The following DPP10 variants were observed in gnomAD, a reference collection of about 807,000 sequenced individuals.
The protein encoded by DPP10 is dipeptidyl peptidase like 10.
Under a neutral mutation model 120.9 loss-of-function variants are expected in DPP10, and 33 were observed. The ratio of observed to expected loss-of-function variants is 0.27; its 90% CI spans 0.21 to 0.37. DPP10 has a LOEUF of 0.37. Among genes scored for constraint, DPP10 ranks in the 10% least tolerant of loss-of-function variants. The pLI, the probability that DPP10 is intolerant of heterozygous loss-of-function variation, is 1.00. For missense variants in DPP10, 816 were observed against 942.8 expected (o/e 0.87, Z 1.76); for synonymous variants, 337 against 326.1 (o/e 1.03, Z -0.36).
chr2:114,507,287 C>T (rs1427804685), intron 1 of DPP10, among the ~76,000 whole-genome samples: 1 of 152,066 alleles, frequency 6.6e-6, no homozygotes, highest in Non-Finnish European at 1.5e-5. Context: ...GGGCTCAAGC[C>T]ATCCACATGC....
intron 1 of DPP10, among the ~76,000 whole-genome samples, chr2:115,120,820 G>A (rs2049783195): frequency 6.6e-6 from 1 of 152,144 alleles, no homozygotes; most frequent in South Asian, 2.1e-4. Context: ...AATGTACCAT[G>A]CAAGATCACT....
chr2:114,834,883 A>ACTATGTATATATAAGCCATATCTACACAC (rs1558791790), intron 1 of DPP10, among the ~76,000 whole-genome samples: 10 of 103,934 alleles, frequency 9.6e-5, no homozygotes, highest in African/African-American at 5.2e-4. Context: ...TATCTACACA[A>ACTATGTATATATAAGCCATATCTACACAC]CTATGTATAT....
intron 1 of DPP10, among the ~76,000 whole-genome samples, chr2:115,267,709 T>C (rs758245962): frequency 6.6e-6 from 1 of 152,106 alleles, no homozygotes; most frequent in Non-Finnish European, 1.5e-5. Context: ...ATGCTTATTC[T>C]TCTCCTATAG....
intron 1 of DPP10, among the ~76,000 whole-genome samples, chr2:114,906,336 A>G (rs1198151260): frequency 6.6e-6 from 1 of 151,654 alleles, no homozygotes; most frequent in African/African-American, 2.4e-5. Context: ...GTTAGCGGAG[A>G]TCGCACCACT....
At chr2:115,682,460 A>G (rs1417982340) in intron 5 of DPP10, among the ~76,000 whole-genome samples, 1 of 151,956 alleles carries the variant, frequency 6.6e-6, no homozygotes, top group Non-Finnish European at 1.5e-5. Flanking sequence ...ATTTTGCACT[A>G]TAGAAAACGT....
At chr2:114,852,878 C>T (rs993181763) in intron 1 of DPP10, among the ~76,000 whole-genome samples, 2 of 152,204 alleles carry the variant, frequency 1.3e-5, no homozygotes, top group Non-Finnish European at 2.9e-5. Flanking sequence ...TTTGCTTTTC[C>T]TCCCAAATAC....
chr2:115,812,963 C>CATT, intron 19 of DPP10, among the ~76,000 whole-genome samples: 1 of 72,782 alleles, frequency 1.4e-5, no homozygotes, highest in Non-Finnish European at 2.4e-5. Context: ...GACTGGATAT[C>CATT]TTTTTTTTTT....
At chr2:115,342,416 G>A (rs2063495258) in intron 2 of DPP10, among the ~76,000 whole-genome samples, 1 of 152,102 alleles carries the variant, frequency 6.6e-6, no homozygotes, top group African/African-American at 2.4e-5. Context: ...GTTTCACCAT[G>A]TTGGCTAGGC....
At chr2:115,349,527 G>A (rs1485905841) in intron 3 of DPP10, among the ~76,000 whole-genome samples, 1 of 152,006 alleles carries the variant, frequency 6.6e-6, no homozygotes, top group African/African-American at 2.4e-5. Flanking sequence ...AAATGGTAGC[G>A]ATTCATAGAA....
At chr2:115,410,660 G>A (rs1029418183) in intron 3 of DPP10, among the ~76,000 whole-genome samples, 1 of 152,114 alleles carries the variant, frequency 6.6e-6, no homozygotes, top group East Asian at 1.9e-4. Context: ...AATGGACTGA[G>A]GACTGGAGAA....
chr2:114,497,425 A>ATATAGATGCATATATATAGATGCATC (rs1553451238), intron 1 of DPP10, among the ~76,000 whole-genome samples: 1 of 66,350 alleles, frequency 1.5e-5, no homozygotes, highest in African/African-American at 5.4e-5. Context: ...ATATGCATCT[A>ATATAGATGCATATATATAGATGCATC]TATATATATG....
In DPP10 at chr2:114,956,300, A is replaced by C. The variant is rs181908640; in HGVS notation, c.61-352939A>C. Among the ~76,000 whole-genome samples, 329 of 152,210 alleles carry C rather than the reference A, an allele frequency of 2.2e-3. 2 individuals carry two copies. The highest frequency in any genetic ancestry group is 7.7e-3 in the African/African-American group (321 of 41,552). ...GTAACATTCCTTTATACTAACAACAAACTACCTGAAAACCAAATTAAGAAA... is the reference window on the plus strand; with the variant it reads ...GTAACATTCCTTTATACTAACAACACACTACCTGAAAACCAAATTAAGAAA... On this transcript the variant is annotated intron_variant, in intron 1 of 25. Transcript: ENST00000410059.
intron 1 of DPP10, among the ~76,000 whole-genome samples, chr2:114,708,654 A>T (rs1214157546): frequency 6.6e-6 from 1 of 152,202 alleles, no homozygotes; most frequent in Non-Finnish European, 1.5e-5. Flanking sequence ...GAGGAAAGAA[A>T]AGCAAGAAAA....
Position 114,789,011 on chromosome 2 carries a change from A to G in DPP10, c.60+346173A>G, listed in dbSNP as rs117328621. On this transcript the variant is annotated intron_variant, in intron 1 of 25. Transcript: ENST00000410059. ...CCAAGGGTTAAAAAGGTTCACCATT[A>G]TATCTTTGGAAAATTAGCTTGCAGT... Among the ~76,000 whole-genome samples, 52 of 152,252 alleles carry G rather than the reference A, an allele frequency of 3.4e-4. No homozygotes were observed. In the East Asian group the frequency reaches 7.4e-3, roughly 22 times the overall value.
At chr2:115,459,794 T>G (rs1049476608) in intron 3 of DPP10, among the ~76,000 whole-genome samples, 4 of 151,962 alleles carry the variant, frequency 2.6e-5, no homozygotes, top group African/African-American at 9.6e-5. Flanking sequence ...GTTGAATGAC[T>G]GGAATTATTT....
intron 1 of DPP10, among the ~76,000 whole-genome samples, chr2:114,540,527 T>C (rs1686868966): frequency 6.6e-6 from 1 of 152,324 alleles, no homozygotes; most frequent in South Asian, 2.1e-4. Flanking sequence ...GTGAAAGTCA[T>C]TATATTGAAA....
intron 3 of DPP10, among the ~76,000 whole-genome samples, chr2:115,469,146 C>T (rs1416608392): frequency 2.0e-5 from 3 of 151,604 alleles, no homozygotes; most frequent in East Asian, 1.9e-4. Flanking sequence ...AGGCTGGTCT[C>T]GAGGTTCTTA....
At chr2:115,382,209 G>A (rs1286277450) in intron 3 of DPP10, among the ~76,000 whole-genome samples, 3 of 152,318 alleles carry the variant, frequency 2.0e-5, no homozygotes, top group Non-Finnish European at 4.4e-5. Flanking sequence ...CAATCAGCGA[G>A]ACTCTGTGGG....
intron 7 of DPP10, among the ~76,000 whole-genome samples, chr2:115,693,710 A>G (rs2091440480): frequency 6.6e-6 from 1 of 152,154 alleles, no homozygotes; most frequent in African/African-American, 2.4e-5. Context: ...CTAAAAATGT[A>G]TAAAAATTAT....
Sources: allele counts gnomAD v4.1 joint callset (sites outside exome capture counted in the v4.1 genomes callset), GRCh38; gene constraint gnomAD v4.1.1; transcripts MANE v1.5; gene names NCBI Gene and HGNC (gene_info 2026-07-23, HGNC 2026-07-21).